NAALADL2: variants seen among roughly 807,000 people sequenced by gnomAD.
NAALADL2 encodes inactive N-acetylated-alpha-linked acidic dipeptidase-like protein 2.
A neutral mutation model predicts 87.2 loss-of-function variants in NAALADL2; 76 were observed. The observed-to-expected ratio is 0.87, with a 90% CI of 0.72 to 1.05. NAALADL2 has a LOEUF of 1.05. Ranked by LOEUF, NAALADL2 falls within the 50% of genes least tolerant of loss-of-function variation. The probability of loss-of-function intolerance (pLI) is 0.00; values close to 1 mark genes in which losing one functional copy is unlikely to be tolerated. For missense variants in NAALADL2, 1,089 were observed against 945.8 expected (o/e 1.15, Z -1.99); for synonymous variants, 354 against 331.0 (o/e 1.07, Z -0.75).
chr3:174,500,881 G>T, intron 1 of NAALADL2, among the ~76,000 whole-genome samples: 1 of 149,210 alleles, frequency 6.7e-6, no homozygotes. Flanking sequence ...TTTTGATATG[G>T]AGTCTGGCTC....
chr3:174,946,601 T>C (rs1304845524), intron 1 of NAALADL2, among the ~76,000 whole-genome samples: 1 of 152,220 alleles, frequency 6.6e-6, no homozygotes, highest in Non-Finnish European at 1.5e-5. Context: ...ATCATTTTTA[T>C]TTATACATAG....
chr3:174,980,492 CAT>C (rs1291882739), intron 1 of NAALADL2, among the ~76,000 whole-genome samples: 1 of 152,118 alleles, frequency 6.6e-6, no homozygotes, highest in South Asian at 2.1e-4. Context: ...TCCTGGGAAA[CAT>C]AGTGAGAATT....
chr3:175,483,324 GGCT>G (rs1470465661), intron 9 of NAALADL2, among the ~76,000 whole-genome samples: 9 of 136,006 alleles, frequency 6.6e-5, no homozygotes, highest in African/African-American at 2.3e-4. Context: ...TTTACTTTTT[GGCT>G]TTTTTTTTTT....
At chr3:174,855,887 AATATATATACACATAGATATGAAT>A (rs1436100236), upstream of NAALADL2, among the ~76,000 whole-genome samples, 7 of 140,104 alleles carry the variant, frequency 5.0e-5, no homozygotes, top group South Asian at 2.1e-4. Context: ...CATACATATG[AATATATATACACATAGATATGAAT>A]ATATATACAC....
intron 2 of NAALADL2, among the ~76,000 whole-genome samples, chr3:175,217,637 T>C (rs958999528): frequency 5.3e-5 from 8 of 152,206 alleles, no homozygotes; most frequent in Admixed American, 1.3e-4. Flanking sequence ...TATGTAACAT[T>C]ATTAGGGCTG....
chr3:175,581,196 CT>C (rs1243599451), intron 10 of NAALADL2: 1 of 351,698 alleles, frequency 2.8e-6, no homozygotes, highest in Admixed American at 2.8e-5. Flanking sequence ...CATCTCTGCC[CT>C]TTGTGAGGCT....
intron 5 of NAALADL2, among the ~76,000 whole-genome samples, chr3:175,352,677 C>A (rs1027131663): frequency 2.6e-5 from 4 of 152,124 alleles, no homozygotes; most frequent in African/African-American, 9.7e-5. Flanking sequence ...AGGTGTGAAG[C>A]TCAGTGTTTG....
intron 9 of NAALADL2, among the ~76,000 whole-genome samples, chr3:175,573,773 T>C (rs1384750613): frequency 6.6e-6 from 1 of 152,182 alleles, no homozygotes; most frequent in Non-Finnish European, 1.5e-5. Context: ...GAAAAAGGAT[T>C]ACCCCCACTT....
rs773789948 is a variant in NAALADL2, at chr3:175,755,257, G to A, written c.2028G>A (p.Ala676=). 35 of 1,613,250 alleles carry A rather than the reference G, an allele frequency of 2.2e-5. No individual in the cohort carries two copies. The highest frequency in any genetic ancestry group is 1.5e-4 in the South Asian group (14 of 90,948). ...QPNTHQLLAM[A]LRLRESAELF... is the part of the protein sequence containing the mutation. ...ACACTCATCAACTGTTAGCCATGGC[G>A]TTACGCCTGCGGGAGAGTGCTGAAC... The change falls in exon 13 of 14, where the codon GCG becomes GCA. Residue 676 remains alanine (A), a synonymous_variant. Coordinates refer to ENST00000454872, the MANE Select transcript of NAALADL2 (RefSeq NM_207015.3).
intron 12 of NAALADL2, among the ~76,000 whole-genome samples, chr3:175,750,061 A>G (rs1746440589): frequency 6.6e-6 from 1 of 152,220 alleles, no homozygotes; most frequent in African/African-American, 2.4e-5. Context: ...CTTCTAGCTC[A>G]ACGAGCTGAG....
intron 5 of NAALADL2, among the ~76,000 whole-genome samples, chr3:175,417,131 A>AC (rs1714796176): frequency 6.6e-6 from 1 of 150,772 alleles, no homozygotes; most frequent in South Asian, 2.1e-4. Context: ...AAAAAAAAAA[A>AC]AAGTCCAGCC....
chr3:174,803,650 G>A (rs1190819464), intron 3 of NAALADL2, among the ~76,000 whole-genome samples: 3 of 152,140 alleles, frequency 2.0e-5, no homozygotes, highest in Non-Finnish European at 4.4e-5. Context: ...TTTTGTATAA[G>A]GTGTAAGGAA....
At chr3:175,720,810 T>C (rs1252777653) in intron 11 of NAALADL2, among the ~76,000 whole-genome samples, 1 of 152,122 alleles carries the variant, frequency 6.6e-6, no homozygotes, top group Admixed American at 6.6e-5. Flanking sequence ...TAGAATTCTG[T>C]ACTAATCTAA....
intron 5 of NAALADL2, among the ~76,000 whole-genome samples, chr3:175,408,584 A>G (rs959646684): frequency 1.3e-5 from 2 of 152,064 alleles, no homozygotes; most frequent in South Asian, 2.1e-4. Context: ...TTTCAAAAGA[A>G]TAAAGAAACT....
At chr3:175,493,255 A>G (rs1355392472) in intron 9 of NAALADL2, among the ~76,000 whole-genome samples, 1 of 152,126 alleles carries the variant, frequency 6.6e-6, no homozygotes, top group Non-Finnish European at 1.5e-5. Flanking sequence ...CAGAAAATAT[A>G]ATAAATCTTT....
intron 1 of NAALADL2, among the ~76,000 whole-genome samples, chr3:175,090,238 A>G (rs898907487): frequency 2.6e-5 from 4 of 152,142 alleles, no homozygotes; most frequent in Admixed American, 6.5e-5. Context: ...AGTGAGACTT[A>G]AACTTATGTG....
intron 10 of NAALADL2, among the ~76,000 whole-genome samples, chr3:175,589,299 A>T (rs1721025598): frequency 3.1e-5 from 1 of 32,486 alleles, no homozygotes; most frequent in Non-Finnish European, 6.3e-5. Context: ...TGCTTGAAAC[A>T]TTGGTACTGG....
At chr3:175,475,134 A>G (rs1306526889) in intron 9 of NAALADL2, among the ~76,000 whole-genome samples, 1 of 151,944 alleles carries the variant, frequency 6.6e-6, no homozygotes, top group Non-Finnish European at 1.5e-5. Flanking sequence ...TTCTATAGAC[A>G]TCAGTGGAGT....
At chr3:175,644,958 A>G (rs1389378007) in intron 11 of NAALADL2, among the ~76,000 whole-genome samples, 1 of 152,154 alleles carries the variant, frequency 6.6e-6, no homozygotes, top group Non-Finnish European at 1.5e-5. Context: ...TCCTTTAAAC[A>G]ATTGAAAATC....
Sources: allele counts gnomAD v4.1 joint callset (sites outside exome capture counted in the v4.1 genomes callset), GRCh38; gene constraint gnomAD v4.1.1; transcripts MANE v1.5; gene names NCBI Gene and HGNC (gene_info 2026-07-23, HGNC 2026-07-21).